Variants in SDCCAG8 observed in about 807,000 individuals in gnomAD.
SDCCAG8 encodes the protein SHH signaling and ciliogenesis regulator SDCCAG8, also known as serologically defined colon cancer antigen 8.
SDCCAG8 carries 74 observed loss-of-function variants against 101.8 expected under a neutral mutation model. That is an observed-to-expected ratio of 0.73 (90% confidence interval 0.60 to 0.88). SDCCAG8 has a LOEUF of 0.88. Among genes scored for constraint, SDCCAG8 ranks in the 40% least tolerant of loss-of-function variants. The pLI, the probability that SDCCAG8 is intolerant of heterozygous loss-of-function variation, is 0.00. For synonymous variants in SDCCAG8, 281 were observed against 292.9 expected (o/e 0.96, Z 0.41); for missense variants, 787 against 822.6 (o/e 0.96, Z 0.53).
intron 16 of SDCCAG8, among the ~76,000 whole-genome samples, chr1:243,457,840 A>C (rs1162594628): frequency 1.3e-5 from 2 of 152,214 alleles, no homozygotes; most frequent in Non-Finnish European, 2.9e-5. Context: ...GGTTATTACC[A>C]TTTACAATAT....
intron 6 of SDCCAG8, among the ~76,000 whole-genome samples, chr1:243,297,879 C>T (rs1372267716): frequency 2.0e-5 from 3 of 152,122 alleles, no homozygotes; most frequent in Non-Finnish European, 2.9e-5. Context: ...CACTCTGTGG[C>T]TTCGCTTGTA....
chr1:243,266,911 C>T (rs1279720628), intron 1 of SDCCAG8, among the ~76,000 whole-genome samples: 1 of 142,052 alleles, frequency 7.0e-6, no homozygotes, highest in Admixed American at 7.4e-5. Flanking sequence ...TACTTGCACT[C>T]CAGCCTGGGC....
intron 6 of SDCCAG8, among the ~76,000 whole-genome samples, chr1:243,303,226 A>G (rs1444932013): frequency 6.6e-6 from 1 of 152,238 alleles, no homozygotes; most frequent in African/African-American, 2.4e-5. Flanking sequence ...ACAAATTGAC[A>G]TGAGATAATC....
In SDCCAG8 at chr1:243,415,837, G is replaced by A; in HGVS notation, c.1744+8G>A. On this transcript the variant is annotated splice_region_variant and intron_variant, in intron 14 of 17. Coordinates refer to ENST00000366541, the MANE Select transcript of SDCCAG8 (RefSeq NM_006642.5). ...CCCAGCATGACAAAACTGGTAGGTG[G>A]TAGGGAAAGATTAGAGCCTGGGCAC... The A allele has an allele frequency of 6.2e-7, 1 of 1,612,848 alleles. No homozygotes were observed. Among genetic ancestry groups the A allele is most frequent in the Non-Finnish European group, 8.5e-7 (1 of 1,179,440 alleles).
At chr1:243,342,966 T>C in intron 11 of SDCCAG8, among the ~76,000 whole-genome samples, 1 of 152,214 alleles carries the variant, frequency 6.6e-6, no homozygotes, top group African/African-American at 2.4e-5. Flanking sequence ...TTTTGTTTGT[T>C]TGGAGACAGG....
At chr1:243,489,807 C>T (rs1435395587) in intron 17 of SDCCAG8, among the ~76,000 whole-genome samples, 1 of 152,234 alleles carries the variant, frequency 6.6e-6, no homozygotes, top group African/African-American at 2.4e-5. Context: ...CCTGACTCCA[C>T]AGCCCAGGCT....
At position 243,499,888 on chromosome 1, in the gene SDCCAG8, CACCGCCTCAGCCTGCAGT is replaced by C; in HGVS notation, c.*104_*121del. The stretch of plus-strand genomic sequence containing the variant: ...ACGCACCACGACCTTCCCAGGGTGA[CACCGCCTCAGCCTGCAGT>C]GGGGCTGGTCCTCATCAACGCGGGC... On this transcript the variant is annotated 3_prime_UTR_variant, in exon 18 of 18. Transcript: ENST00000366541. 8.9e-7 allele frequency: 1 copy of C among 1,122,084 alleles called. No individual in the cohort carries two copies. The highest frequency in any genetic ancestry group is 2.5e-5 in the East Asian group (1 of 40,594). The allele number at this position is 1,122,084 out of a possible 1,614,324, so 69.5% of individuals were successfully genotyped here. A position where few individuals can be genotyped will look rare whatever the true frequency, so the allele number is the denominator to read the frequency against.
At chr1:243,256,286 C>T in intron 1 of SDCCAG8, 46 bp downstream of exon 1, 1 of 1,538,616 alleles carries the variant, frequency 6.5e-7, no homozygotes, top group South Asian at 1.1e-5. Flanking sequence ...GTGCCCAGGG[C>T]CTAGTGGGCG....
At chr1:243,471,823 C>T (rs1386153914) in intron 16 of SDCCAG8, among the ~76,000 whole-genome samples, 1 of 152,100 alleles carries the variant, frequency 6.6e-6, no homozygotes, top group Non-Finnish European at 1.5e-5. Context: ...AAGCATTGGA[C>T]TATTAGGTCA....
At chr1:243,376,151 A>G (rs1382075574) in intron 12 of SDCCAG8, among the ~76,000 whole-genome samples, 37 of 152,156 alleles carry the variant, frequency 2.4e-4, no homozygotes, top group Admixed American at 2.4e-3. Flanking sequence ...TAGGTGGGTC[A>G]TTTTTTCTTG....
At chr1:243,256,268 G>T (rs1038413341) in intron 1 of SDCCAG8, 28 bp downstream of exon 1, 3 of 1,601,602 alleles carry the variant, frequency 1.9e-6, no homozygotes, top group Non-Finnish European at 2.6e-6. Flanking sequence ...TCTGTCCCTA[G>T]CCCCGAGGTG....
At chr1:243,318,527 GGCTATTCAATTCT>G (rs2073466834) in intron 9 of SDCCAG8, 2 of 984,362 alleles carry the variant, frequency 2.0e-6, no homozygotes, top group South Asian at 9.4e-5. Flanking sequence ...AAAAAATTAG[GGCTATTCAATTCT>G]GCATTAAGCC....
intron 13 of SDCCAG8, among the ~76,000 whole-genome samples, chr1:243,414,316 C>T (rs1335117420): frequency 6.6e-6 from 1 of 152,012 alleles, no homozygotes; most frequent in Non-Finnish European, 1.5e-5. Context: ...GATCCATGGC[C>T]AGAAAATACA....
At chr1:243,361,658 T>C (rs879904984) in intron 12 of SDCCAG8, among the ~76,000 whole-genome samples, 3 of 152,196 alleles carry the variant, frequency 2.0e-5, no homozygotes, top group Non-Finnish European at 4.4e-5. Context: ...AGACATGCCA[T>C]GGCCTTTGGA....
chr1:243,303,085 A>G (rs2071700179), intron 6 of SDCCAG8, among the ~76,000 whole-genome samples: 1 of 152,206 alleles, frequency 6.6e-6, no homozygotes, highest in South Asian at 2.1e-4. Context: ...CAAGATAGAG[A>G]TCTTGGAGAA....
At chr1:243,407,245 C>G (rs2079850769) in intron 13 of SDCCAG8, among the ~76,000 whole-genome samples, 2 of 152,186 alleles carry the variant, frequency 1.3e-5, no homozygotes, top group African/African-American at 4.8e-5. Flanking sequence ...GGAAAGAACA[C>G]TGGACTTGGA....
intron 4 of SDCCAG8, among the ~76,000 whole-genome samples, chr1:243,280,697 GTGT>G (rs1413708677): frequency 6.6e-6 from 1 of 152,198 alleles, no homozygotes; most frequent in East Asian, 1.9e-4. Flanking sequence ...ATTTAGAAGA[GTGT>G]TGTGTCATCA....
chr1:243,488,927 G>A (rs1665693539), intron 16 of SDCCAG8, 87 bp from the exon 17 acceptor site: 1 of 1,601,440 alleles, frequency 6.2e-7, no homozygotes, highest in Non-Finnish European at 8.5e-7. Flanking sequence ...TTCCCTATCA[G>A]GGGCTTCCCT....
chr1:243,475,310 G>A (rs1316567875), intron 16 of SDCCAG8, among the ~76,000 whole-genome samples: 2 of 152,166 alleles, frequency 1.3e-5, no homozygotes, highest in Non-Finnish European at 2.9e-5. Flanking sequence ...TCTATTGCCT[G>A]CAGGGGTTTC....
Sources: allele counts gnomAD v4.1 joint callset (sites outside exome capture counted in the v4.1 genomes callset), GRCh38; gene constraint gnomAD v4.1.1; transcripts MANE v1.5; gene names NCBI Gene and HGNC (gene_info 2026-07-23, HGNC 2026-07-21).